The following MACF1 variants were observed in gnomAD, a reference collection of about 807,000 sequenced individuals.
MACF1 encodes microtubule actin crosslinking factor 1.
Under a neutral mutation model 854.8 loss-of-function variants are expected in MACF1, and 193 were observed. The observed-to-expected ratio is 0.23, with a 90% CI of 0.20 to 0.25. The LOEUF (loss-of-function observed/expected upper bound fraction) is 0.25, where lower values mean the gene tolerates loss of function less well. MACF1 is among the 10% of genes least tolerant of loss of function. MACF1 has a pLI of 1.00. For synonymous variants in MACF1, 3,185 were observed against 3,226.7 expected, an observed-to-expected ratio of 0.99 and a Z score of 0.44; for missense variants, 7,722 against 8,929.1, an observed-to-expected ratio of 0.86 and a Z score of 5.45.
At chr1:39,126,049 AT>A (rs1275309821) in intron 2 of MACF1, among the ~76,000 whole-genome samples, 2 of 152,058 alleles carry the variant, frequency 1.3e-5, no homozygotes, top group African/African-American at 4.8e-5. Context: ...GATAAATGCC[AT>A]TTTTTTTGAC....
chr1:39,382,162 A>G lies in MACF1; in HGVS notation c.13848+10A>G. Reference sequence around the variant, plus strand: ...AAAGCAACAGGTCCAGGTGAGCAATATAGCAACAAAGAAATTGGAATCACA... The same window carrying G: ...AAAGCAACAGGTCCAGGTGAGCAATGTAGCAACAAAGAAATTGGAATCACA... On this transcript the variant is annotated intron_variant, in intron 56 of 100. Transcript: ENST00000564288. 4 of 1,611,120 alleles carry G rather than the reference A, an allele frequency of 2.5e-6. No homozygotes were observed. Among genetic ancestry groups the G allele is most frequent in the South Asian group, 2.2e-5 (2 of 90,996 alleles).
chr1:39,423,013 T>A, intron 60 of MACF1, 113 bp downstream of exon 60: 1 of 897,350 alleles, frequency 1.1e-6, no homozygotes, highest in Non-Finnish European at 1.7e-6. Context: ...CCTAAACTAC[T>A]TTGTGTCGTC....
intron 58 of MACF1, among the ~76,000 whole-genome samples, chr1:39,418,518 A>G (rs1293286068): frequency 1.3e-5 from 2 of 152,222 alleles, no homozygotes; most frequent in Non-Finnish European, 2.9e-5. Flanking sequence ...AGAAGAGGAG[A>G]AAGAAAACAA....
intron 6 of MACF1, among the ~76,000 whole-genome samples, chr1:39,267,484 GC>G (rs1337909310): frequency 6.6e-6 from 1 of 152,188 alleles, no homozygotes; most frequent in Admixed American, 6.5e-5. Context: ...GCCTGCCTTG[GC>G]CTTCTAGAGT....
chr1:39,282,151 G>A, intron 6 of MACF1, 57 bp from the exon 7 acceptor site: 2 of 1,574,218 alleles, frequency 1.3e-6, no homozygotes, highest in Non-Finnish European at 1.7e-6. Flanking sequence ...GAGAAGAGAA[G>A]GCTAAAAGAC....
At position 39,191,959 on chromosome 1, in the gene MACF1, T is replaced by C. The variant is rs533894322; in HGVS notation, c.221-39223T>C. Among the ~76,000 whole-genome samples, 57 of 152,212 alleles carry C rather than the reference T, an allele frequency of 3.7e-4. 1 individual carries two copies. The highest frequency in any genetic ancestry group is 2.0e-3 in the Admixed American group (31 of 15,286). ...TGAGGCCAGGAGTTCGAGACCAGCC[T>C]GGCCAACATGGTGAAACTCCGTTTC... is the stretch of plus-strand genomic sequence containing the variant. On this transcript the variant is annotated intron_variant, in intron 2 of 93. Coordinates refer to the MACF1 transcript ENST00000361689.
intron 58 of MACF1, among the ~76,000 whole-genome samples, chr1:39,402,078 G>A (rs1030048428): frequency 6.6e-6 from 1 of 152,168 alleles, no homozygotes; most frequent in Non-Finnish European, 1.5e-5. Context: ...CAGGCTTGGT[G>A]GTGGGTGCCT....
intron 2 of MACF1, among the ~76,000 whole-genome samples, chr1:39,085,570 G>C (rs260970): frequency 1.3e-5 from 2 of 152,050 alleles, no homozygotes; most frequent in South Asian, 4.1e-4. Context: ...CATCCTCCAC[G>C]TGACTAATAG....
chr1:39,169,842 C>T (rs1180691043), intron 2 of MACF1, among the ~76,000 whole-genome samples: 1 of 147,352 alleles, frequency 6.8e-6, no homozygotes, highest in East Asian at 2.0e-4. Context: ...GACGTGATCT[C>T]GGCTCACTGC....
intron 2 of MACF1, among the ~76,000 whole-genome samples, chr1:39,143,315 A>T (rs939358660): frequency 6.6e-6 from 1 of 152,206 alleles, no homozygotes; most frequent in Admixed American, 6.5e-5. Flanking sequence ...CTTTTGATAT[A>T]CCTTTTGGTG....
Position 39,284,441 on chromosome 1 carries a change from A to G in MACF1, c.1131+13A>G. ...TAAATTACTAGAGGTAAGTGAGCTT[A>G]TCCTTTGCTGAGACTTGGGGTTTGC... On this transcript the variant is annotated intron_variant, in intron 11 of 100. Coordinates refer to ENST00000564288, the MANE Select transcript of MACF1 (RefSeq NM_001394062.1). 1.3e-6 allele frequency: 2 copies of G among 1,546,260 alleles called. No homozygotes were observed. Among genetic ancestry groups the G allele is most frequent in the South Asian group, 2.4e-5 (2 of 82,164 alleles).
chr1:39,382,689 A>AG (rs57255833), intron 56 of MACF1, among the ~76,000 whole-genome samples: 5,779 of 151,256 alleles, frequency 0.038, 368 homozygotes, highest in African/African-American at 0.13. Context: ...CTCAAAAAAA[A>AG]AAAAAATTTT....
chr1:39,185,183 A>T (rs1053999768), intron 2 of MACF1, among the ~76,000 whole-genome samples: 2 of 151,710 alleles, frequency 1.3e-5, no homozygotes, highest in African/African-American at 4.8e-5. Context: ...TCCCAGCTAC[A>T]CGGGAGGCTG....
At position 39,487,093 on chromosome 1, in the gene MACF1, T is replaced by C. The variant is rs1000316362; in HGVS notation, c.*1299T>C. 6.6e-6 allele frequency: 1 copy of C among 152,328 alleles called. No individual in the cohort carries two copies. Among genetic ancestry groups the C allele is most frequent in the South Asian group, 2.1e-4 (1 of 4,834 alleles). 9.4% of individuals were successfully genotyped at this position (152,328 alleles called of 1,614,324 possible). A position where few individuals can be genotyped will look rare whatever the true frequency, so the allele number is the denominator to read the frequency against. ...TAAATGCATTCCGCAAATCAAAATA[T>C]CTTGATGGATAAATTATAGAGCTTA... On this transcript the variant is annotated 3_prime_UTR_variant, in exon 101 of 101. Transcript: ENST00000564288.
intron 2 of MACF1, among the ~76,000 whole-genome samples, chr1:39,150,360 G>A (rs1401679180): frequency 6.6e-6 from 1 of 152,030 alleles, no homozygotes; most frequent in African/African-American, 2.4e-5. Flanking sequence ...TCTGTATTTT[G>A]CACAGTGTCA....
At chr1:39,296,019 T>C (rs908593957) in intron 20 of MACF1, 137 bp downstream of exon 20, 2 of 682,830 alleles carry the variant, frequency 2.9e-6, no homozygotes, top group African/African-American at 1.9e-5. Flanking sequence ...AATAGTCATT[T>C]AGATAGCTCA....
At chr1:39,382,669 G>A (rs1312683302) in intron 56 of MACF1, among the ~76,000 whole-genome samples, 4 of 149,242 alleles carry the variant, frequency 2.7e-5, no homozygotes, top group Middle Eastern at 3.5e-3. Context: ...ACAGTAGAGC[G>A]TGACTCCGTC....
At chr1:39,441,822 C>CT in intron 74 of MACF1, 130 bp from the exon 75 acceptor site, 1 of 682,220 alleles carries the variant, frequency 1.5e-6, no homozygotes. Flanking sequence ...ATCTGTGCCC[C>CT]TTACCTGAAA....
chr1:39,132,329 C>G (rs1643024245), intron 2 of MACF1, among the ~76,000 whole-genome samples: 1 of 149,696 alleles, frequency 6.7e-6, no homozygotes, highest in African/African-American at 2.5e-5. Flanking sequence ...GGAAAAGGTC[C>G]CTGTGGTTTC....
Sources: allele counts gnomAD v4.1 joint callset (sites outside exome capture counted in the v4.1 genomes callset), GRCh38; gene constraint gnomAD v4.1.1; transcripts MANE v1.5; gene names NCBI Gene and HGNC (gene_info 2026-07-23, HGNC 2026-07-21).